The following PSMB4 variants were observed in gnomAD, a reference collection of about 807,000 sequenced individuals.
The protein encoded by PSMB4 is proteasome subunit beta type-4.
A neutral mutation model predicts 35.2 loss-of-function variants in PSMB4; 16 were observed. That is an observed-to-expected ratio of 0.45 (90% confidence interval 0.31 to 0.69). The LOEUF (loss-of-function observed/expected upper bound fraction) is 0.69. Among genes scored for constraint, PSMB4 ranks in the 30% least tolerant of loss-of-function variants. The pLI is 0.06. For synonymous variants in PSMB4, 144 were observed against 134.1 expected (o/e 1.07, Z -0.51); for missense variants, 333 against 351.8 (o/e 0.95, Z 0.43).
Position 151,401,927 on chromosome 1 carries a change from C to A in PSMB4, c.*98C>A, listed in dbSNP as rs920315856. On this transcript the variant is annotated 3_prime_UTR_variant, in exon 7 of 7. Transcript: ENST00000290541. Reference sequence around the variant, plus strand: ...TCTTCTTTTGTAAAGTAAATAAATTCTTCAAAATGCTTGCTGAGTGGTTTT... The same window carrying A: ...TCTTCTTTTGTAAAGTAAATAAATTATTCAAAATGCTTGCTGAGTGGTTTT... The A allele has an allele frequency of 2.3e-6, 3 of 1,283,980 alleles. No homozygotes were observed. The highest frequency in any genetic ancestry group is 3.6e-5 in the Admixed American group (2 of 54,912). The allele number at this position is 1,283,980 out of a possible 1,614,324, so 79.5% of individuals were successfully genotyped here.
chr1:151,400,333 G>A (rs1652769137), intron 2 of PSMB4, 109 bp from the exon 3 acceptor site: 2 of 1,486,548 alleles, frequency 1.3e-6, no homozygotes, highest in African/African-American at 1.4e-5. Flanking sequence ...TTGCAATAAA[G>A]TTTTTGGCAT....
In PSMB4 at chr1:151,399,727, A is replaced by G. The variant is rs1308655589; in HGVS notation, c.140A>G (p.Gln47Arg). The G allele has an allele frequency of 1.2e-6, 2 of 1,613,914 alleles. No homozygotes were observed. The highest frequency in any genetic ancestry group is 8.5e-7 in the Non-Finnish European group (1 of 1,180,028). ...TACAGAGGTCCAATCACGCGGACCC[A>G]GTAAGTTCTCGGCGCTTTCGTTTGC... ...ALYRGPITRT[Q>R]NPMVTGTSVL... The change falls in exon 1 of 7, where the codon CAG becomes CGG. Residue 47 changes from glutamine to arginine, a missense_variant and splice_region_variant. Transcript: ENST00000290541.
chr1:151,401,741 G>T (rs1292838075), intron 6 of PSMB4, 76 bp from the exon 7 acceptor site: 19 of 1,563,032 alleles, frequency 1.2e-5, no homozygotes, highest in African/African-American at 6.8e-5. Flanking sequence ...GAAAGTTTTG[G>T]TTGGACAGTA....
In PSMB4 at chr1:151,400,239, C is replaced by G. The variant is rs758712608; in HGVS notation, c.347+52C>G. ...GGTTCCCAAGTAGAGAGGGGAGTCC[C>G]CTGTTTTTTATTCCCTTCGATGGGA... On this transcript the variant is annotated intron_variant, in intron 2 of 6. Coordinates refer to ENST00000290541, the MANE Select transcript of PSMB4 (RefSeq NM_002796.3). 4 of 1,582,308 alleles carry G rather than the reference C, an allele frequency of 2.5e-6. No homozygotes were observed. In the East Asian group the frequency reaches 9.0e-5, roughly 35 times the overall value.
chr1:151,399,718 C>T lies in PSMB4; in HGVS notation c.131C>T (p.Thr44Met). ...PASALYRGPI[T>M]RTQNPMVTGT... ...TCTGCACTTTACAGAGGTCCAATCACGCGGACCCAGTAAGTTCTCGGCGCT... is the reference window on the plus strand; with the variant it reads ...TCTGCACTTTACAGAGGTCCAATCATGCGGACCCAGTAAGTTCTCGGCGCT... The change falls in exon 1 of 7, where the codon ACG becomes ATG. Residue 44 changes from threonine (T) to methionine (M), a missense_variant. Physicochemically the swap from Thr to Met is moderately conservative, Grantham distance 81 (BLOSUM62 -1). Coordinates refer to ENST00000290541, the MANE Select transcript of PSMB4 (RefSeq NM_002796.3). 6.2e-7 allele frequency: 1 copy of T among 1,614,110 alleles called. No individual in the cohort carries two copies. Among genetic ancestry groups the T allele is most frequent in the Non-Finnish European group, 8.5e-7 (1 of 1,180,032 alleles).
chr1:151,399,951 C>CG (rs1557854349), intron 1 of PSMB4, 30 bp from the exon 2 acceptor site: 3 of 1,604,482 alleles, frequency 1.9e-6, no homozygotes, highest in Non-Finnish European at 8.5e-7. Flanking sequence ...TCCATCCCCC[C>CG]TCTCAGCTCC....
Position 151,401,808 on chromosome 1 carries a change from CT to C in PSMB4, c.783-3del, listed in dbSNP as rs776416627. ...TTCACAATTTTATTATTCTGTCTTC[CT>C]TTTTTAGTGGCTTTGAATGAAATAC... On this transcript the variant is annotated splice_polypyrimidine_tract_variant and splice_region_variant and intron_variant, in intron 6 of 6. Coordinates refer to ENST00000290541, the MANE Select transcript of PSMB4 (RefSeq NM_002796.3). 2 of 1,609,604 alleles carry C rather than the reference CT, an allele frequency of 1.2e-6. No homozygotes were observed. Among genetic ancestry groups the C allele is most frequent in the Admixed American group, 1.7e-5 (1 of 59,992 alleles).
At chr1:151,401,207 A>G (rs1467701202) in intron 4 of PSMB4, 32 bp from the exon 5 acceptor site, 2 of 1,545,996 alleles carry the variant, frequency 1.3e-6, no homozygotes, top group Non-Finnish European at 1.8e-6. Context: ...TCAGCCCAAT[A>G]TCCCCCCATG....
At chr1:151,400,388 G>A (rs1401948951) in intron 2 of PSMB4, 54 bp from the exon 3 acceptor site, 1 of 1,588,848 alleles carries the variant, frequency 6.3e-7, no homozygotes, top group African/African-American at 1.4e-5. Context: ...TTTGGGGATG[G>A]GTGGAGACCC....
rs147258082 is a variant in PSMB4, at chr1:151,399,803, C to G, written c.140+76C>G. 974 of 1,608,192 alleles carry G rather than the reference C, an allele frequency of 6.1e-4. 11 individuals carry two copies. In the African/African-American group the frequency reaches 0.012, roughly 19 times the overall value. On this transcript the variant is annotated intron_variant, in intron 1 of 6. Coordinates refer to ENST00000290541, the MANE Select transcript of PSMB4 (RefSeq NM_002796.3). Reference sequence around the variant, plus strand: ...GTGCTGCCGGCTGGTTTTGAGAGCCCGGGAAGGTGAGGCGGGGACCCCGGG... The same window carrying G: ...GTGCTGCCGGCTGGTTTTGAGAGCCGGGGAAGGTGAGGCGGGGACCCCGGG...
chr1:151,401,688 C>T (rs1652849452), intron 6 of PSMB4, 58 bp downstream of exon 6: 4 of 1,538,110 alleles, frequency 2.6e-6, no homozygotes, highest in South Asian at 2.2e-5. Context: ...TTACACTAAG[C>T]TGGGCTTTTC....
At chr1:151,401,383 G>A (rs755105444) in intron 5 of PSMB4, 28 bp downstream of exon 5, 1 of 1,605,994 alleles carries the variant, frequency 6.2e-7, no homozygotes, top group Admixed American at 1.7e-5. Context: ...AACCTAATTG[G>A]CGGGCTCTGG....
chr1:151,399,617 A>T lies in PSMB4; in HGVS notation c.30A>T (p.Gly10=). 1 of 1,613,690 alleles carries T rather than the reference A, an allele frequency of 6.2e-7. No homozygotes were observed. The highest frequency in any genetic ancestry group is 8.5e-7 in the Non-Finnish European group (1 of 1,179,902). The change falls in exon 1 of 7, where the codon GGA becomes GGT. Residue 10 remains glycine (G), a synonymous_variant. Transcript: ENST00000290541. The part of the protein sequence containing the change: MEAFLGSRS[G]LWAGGPAPGQ... ...AAGCGTTTTTGGGGTCGCGGTCCGG[A>T]CTTTGGGCGGGGGGTCCGGCCCCAG...
chr1:151,401,857 G>A lies in PSMB4; in HGVS notation c.*28G>A, dbSNP rs751377074. 3.1e-6 allele frequency: 5 copies of A among 1,603,124 alleles called. No individual in the cohort carries two copies. The South Asian group carries it at 4.4e-5, about 14-fold the overall frequency. ...TACAGATGCATTATCCAGAACTGAA[G>A]TTGCCCTACTTTTAACTTTGAACTT... On this transcript the variant is annotated 3_prime_UTR_variant, in exon 7 of 7. Transcript: ENST00000290541.
rs777961225 is a variant in PSMB4 at position 151,399,740 on chromosome 1, C to A, written c.140+13C>A. 8 of 1,613,740 alleles carry A rather than the reference C, an allele frequency of 5.0e-6. No individual in the cohort carries two copies. Among genetic ancestry groups the A allele is most frequent in the Non-Finnish European group, 2.5e-6 (3 of 1,180,022 alleles). On this transcript the variant is annotated intron_variant, in intron 1 of 6. Coordinates refer to ENST00000290541, the MANE Select transcript of PSMB4 (RefSeq NM_002796.3). The stretch of plus-strand genomic sequence containing the variant: ...TCACGCGGACCCAGTAAGTTCTCGG[C>A]GCTTTCGTTTGCGTAGCGGGAGGGA...
In PSMB4 at chr1:151,401,884, G is replaced by C; in HGVS notation, c.*55G>C. The C allele has an allele frequency of 2.6e-6, 4 of 1,510,300 alleles. No individual in the cohort carries two copies. Among genetic ancestry groups the C allele is most frequent in the Non-Finnish European group, 3.7e-6 (4 of 1,087,540 alleles). The allele number at this position is 1,510,300 out of a possible 1,614,324, so 93.6% of individuals were successfully genotyped here. The stretch of plus-strand genomic sequence containing the variant: ...TGCCCTACTTTTAACTTTGAACTTG[G>C]CTAGTTCAAAGATAGACTCTTCTTT... On this transcript the variant is annotated 3_prime_UTR_variant, in exon 7 of 7. Coordinates refer to ENST00000290541, the MANE Select transcript of PSMB4 (RefSeq NM_002796.3).
chr1:151,401,474 A>C, intron 5 of PSMB4, 68 bp from the exon 6 acceptor site: 2 of 1,514,480 alleles, frequency 1.3e-6, no homozygotes, highest in Non-Finnish European at 1.8e-6. Flanking sequence ...ATTGGGGAAG[A>C]CCTCCACCTG....
In PSMB4 at chr1:151,399,974, TC is replaced by T. The variant is rs746557523; in HGVS notation, c.141-6del. On this transcript the variant is annotated splice_region_variant and splice_polypyrimidine_tract_variant and intron_variant, in intron 1 of 6. Coordinates refer to ENST00000290541, the MANE Select transcript of PSMB4 (RefSeq NM_002796.3). ...CCCTCTCAGCTCCCACCGTTCTCAC[TC>T]TTTAGGAACCCCATGGTGACCGGGA... 2 of 1,613,326 alleles carry T rather than the reference TC, an allele frequency of 1.2e-6. No homozygotes were observed. The highest frequency in any genetic ancestry group is 1.7e-6 in the Non-Finnish European group (2 of 1,179,758).
In PSMB4 at chr1:151,400,547, G is replaced by A; in HGVS notation, c.453G>A (p.Leu151=). The change falls in exon 3 of 7, where the codon TTG becomes TTA. Residue 151 remains leucine, a synonymous_variant. Coordinates refer to ENST00000290541, the MANE Select transcript of PSMB4 (RefSeq NM_002796.3). ...GCCGGCGCTCGAAGATGAACCCTTT[G>A]TGGAACACCATGGTCATCGGAGGCT... is the stretch of plus-strand genomic sequence containing the variant. ...MYSRRSKMNP[L]WNTMVIGGYA... 1.2e-6 allele frequency: 2 copies of A among 1,614,140 alleles called. No individual in the cohort carries two copies. The highest frequency in any genetic ancestry group is 1.7e-6 in the Non-Finnish European group (2 of 1,180,044).
Sources: gnomAD v4.1 joint callset for allele counts on GRCh38, gnomAD v4.1.1 for gene constraint, MANE v1.5 for transcripts, NCBI Gene and HGNC (gene_info 2026-07-23, HGNC 2026-07-21) for gene names.